The following TRDMT1 variants were observed in gnomAD, a reference collection of about 807,000 sequenced individuals.
TRDMT1 encodes tRNA aspartic acid methyltransferase 1.
In TRDMT1, 49 loss-of-function variants were observed where a neutral mutation model predicts 51.2. The observed-to-expected ratio is 0.96, with a 90% CI of 0.76 to 1.21. The LOEUF is 1.21. Among genes scored for constraint, TRDMT1 ranks in the 50% most tolerant of loss-of-function variants. The pLI is 0.00. For synonymous variants in TRDMT1, 187 were observed against 164.6 expected (o/e 1.14, Z -1.04); for missense variants, 534 against 462.3 (o/e 1.16, Z -1.42).
At chr10:17,151,622 A>G (rs1838750802) in intron 10 of TRDMT1, 5 of 984,846 alleles carry the variant, frequency 5.1e-6, no homozygotes, top group Non-Finnish European at 4.8e-6. Flanking sequence ...AGTAATTTCA[A>G]AGGCTGTTTT....
chr10:17,198,860 A>G (rs1206891047), intron 1 of TRDMT1, among the ~76,000 whole-genome samples: 1 of 147,172 alleles, frequency 6.8e-6, no homozygotes, highest in African/African-American at 2.4e-5. Flanking sequence ...AAATCAGTCA[A>G]AAATGAAGTT....
At chr10:17,193,987 A>G (rs1009802115) in intron 1 of TRDMT1, among the ~76,000 whole-genome samples, 1 of 152,242 alleles carries the variant, frequency 6.6e-6, no homozygotes, top group African/African-American at 2.4e-5. Context: ...AACAGAATAG[A>G]TAACCCAGAA....
In TRDMT1 at chr10:17,161,549, C is replaced by A; in HGVS notation, c.324-1G>T. On this transcript the variant is annotated splice_acceptor_variant, in intron 4 of 10. Coordinates refer to ENST00000377799, the MANE Select transcript of TRDMT1 (RefSeq NM_004412.7). LOFTEE classifies it high-confidence loss of function. ...AATATACTTTGGTAATTTTTGTAAT[C>A]TATAAAAAAATAAACAAATGGAATT... 1 of 1,251,356 alleles carries A rather than the reference C, an allele frequency of 8.0e-7. No homozygotes were observed. Among genetic ancestry groups the A allele is most frequent in the Non-Finnish European group, 1.1e-6 (1 of 922,624 alleles). The allele number at this position is 1,251,356 out of a possible 1,614,324, so 77.5% of individuals were successfully genotyped here. A position where few individuals can be genotyped will look rare whatever the true frequency, so the allele number is the denominator to read the frequency against.
At chr10:17,164,393 C>A (rs942467132) in intron 3 of TRDMT1, among the ~76,000 whole-genome samples, 1 of 152,162 alleles carries the variant, frequency 6.6e-6, no homozygotes, top group Non-Finnish European at 1.5e-5. Context: ...CTATCTATGA[C>A]AAACCCACAG....
Position 17,153,490 on chromosome 10 carries a change from G to A in TRDMT1, c.1075+17C>T, listed in dbSNP as rs752582919. On this transcript the variant is annotated intron_variant, in intron 10 of 10. Coordinates refer to ENST00000377799, the MANE Select transcript of TRDMT1 (RefSeq NM_004412.7). ...TTTTAATACATGAAAGCTGAATTCT[G>A]CACGTATCCCACATACCGAACTCTG... 8 of 1,613,154 alleles carry A rather than the reference G, an allele frequency of 5.0e-6. No homozygotes were observed. In the Admixed American group the frequency reaches 6.7e-5, roughly 13 times the overall value.
intron 1 of TRDMT1, among the ~76,000 whole-genome samples, chr10:17,180,982 A>G (rs1843214044): frequency 6.6e-6 from 1 of 152,212 alleles, no homozygotes; most frequent in Admixed American, 6.5e-5. Context: ...TAATGACTCA[A>G]AAATATGATT....
At chr10:17,174,698 CT>C in intron 1 of TRDMT1, 38 bp from the exon 2 acceptor site, 1 of 1,446,002 alleles carries the variant, frequency 6.9e-7, no homozygotes, top group Non-Finnish European at 9.7e-7. Flanking sequence ...AAGAAAAGTC[CT>C]TAAGTTCATT....
At chr10:17,151,017 G>C in intron 10 of TRDMT1, 5 of 978,400 alleles carry the variant, frequency 5.1e-6, no homozygotes, top group South Asian at 4.7e-5. Context: ...ATGTGTGTGT[G>C]TGTGCGTGCA....
chr10:17,186,474 G>C (rs886694213), intron 1 of TRDMT1, among the ~76,000 whole-genome samples: 2 of 152,090 alleles, frequency 1.3e-5, no homozygotes, highest in Non-Finnish European at 2.9e-5. Context: ...TTCAAAGATA[G>C]AAAAAGGGAT....
At position 17,146,877 on chromosome 10, in the gene TRDMT1, A is replaced by G; in HGVS notation, c.*2163T>C. The stretch of plus-strand genomic sequence containing the variant: ...TGCTAATTGAATGACACTGGTAGAT[A>G]CATCTTCATTAAGATGTGAGTTTTA... On this transcript the variant is annotated 3_prime_UTR_variant, in exon 11 of 11. Coordinates refer to ENST00000377799, the MANE Select transcript of TRDMT1 (RefSeq NM_004412.7). The G allele has an allele frequency of 1.0e-6, 1 of 984,548 alleles. No individual in the cohort carries two copies. Among genetic ancestry groups the G allele is most frequent in the Non-Finnish European group, 1.2e-6 (1 of 829,606 alleles). The allele number at this position is 984,548 out of a possible 1,614,324, so 61.0% of individuals were successfully genotyped here. A position where few individuals can be genotyped will look rare whatever the true frequency, so the allele number is the denominator to read the frequency against.
intron 1 of TRDMT1, among the ~76,000 whole-genome samples, chr10:17,199,554 G>T (rs1293556544): frequency 6.6e-6 from 1 of 152,202 alleles, no homozygotes; most frequent in African/African-American, 2.4e-5. Flanking sequence ...TTCAGCTTTG[G>T]GTGTTGACGG....
chr10:17,141,876 G>A lies in TRDMT1; in HGVS notation c.*7164C>T, dbSNP rs11254395. On this transcript the variant is annotated 3_prime_UTR_variant, in exon 11 of 11. Coordinates refer to ENST00000377799, the MANE Select transcript of TRDMT1 (RefSeq NM_004412.7). ...TTAAATTTCTGAAAATAAAGTTAAT[G>A]TAACAGACAAAATGTCCAGGATCTA... Among the ~76,000 whole-genome samples, 1,310 of 152,334 alleles carry A rather than the reference G, an allele frequency of 8.6e-3. 24 individuals carry two copies. The highest frequency in any genetic ancestry group is 0.029 in the African/African-American group (1,224 of 41,576).
intron 1 of TRDMT1, among the ~76,000 whole-genome samples, chr10:17,185,912 C>G (rs543663957): frequency 1.2e-3 from 187 of 151,804 alleles, no homozygotes; most frequent in African/African-American, 4.1e-3. Context: ...TTGTGGGGTG[C>G]GGGGAGGAAG....
Position 17,148,304 on chromosome 10 carries a change from A to G in TRDMT1, c.*736T>C, listed in dbSNP as rs1838294820. 2 of 985,460 alleles carry G rather than the reference A, an allele frequency of 2.0e-6. No individual in the cohort carries two copies. The highest frequency in any genetic ancestry group is 3.5e-5 in the African/African-American group (2 of 57,370). 61.0% of individuals were successfully genotyped at this position (985,460 alleles called of 1,614,324 possible). A position where few individuals can be genotyped will look rare whatever the true frequency, so the allele number is the denominator to read the frequency against. ...CTACATTCCTCAGCGTGCAAAGGCA[A>G]ATTCAACTCAGAAGCTGAGAAGACA... On this transcript the variant is annotated 3_prime_UTR_variant, in exon 11 of 11. Coordinates refer to ENST00000377799, the MANE Select transcript of TRDMT1 (RefSeq NM_004412.7).
In TRDMT1 at chr10:17,164,992, T is replaced by C. The variant is rs564075059; in HGVS notation, c.252-2755A>G. Among the ~76,000 whole-genome samples the C allele has an allele frequency of 4.3e-3, 647 of 152,174 alleles. 3 individuals carry two copies. Among genetic ancestry groups the C allele is most frequent in the African/African-American group, 0.015 (603 of 41,522 alleles). ...GCCATCCCCATCAAGCTACCAATGATTTTCTTCACAGAATTGGAAAAAACC... is the reference window on the plus strand; with the variant it reads ...GCCATCCCCATCAAGCTACCAATGACTTTCTTCACAGAATTGGAAAAAACC... On this transcript the variant is annotated intron_variant, in intron 3 of 10. Coordinates refer to ENST00000377799, the MANE Select transcript of TRDMT1 (RefSeq NM_004412.7).
At chr10:17,163,325 G>A (rs888181901) in intron 3 of TRDMT1, among the ~76,000 whole-genome samples, 1 of 152,062 alleles carries the variant, frequency 6.6e-6, no homozygotes, top group Non-Finnish European at 1.5e-5. Context: ...ATGAAGACTT[G>A]AATTGAGCCT....
chr10:17,183,194 A>G (rs997466751), intron 1 of TRDMT1, among the ~76,000 whole-genome samples: 2 of 152,226 alleles, frequency 1.3e-5, no homozygotes, highest in Non-Finnish European at 2.9e-5. Context: ...AGCAATATCC[A>G]TATTATTTAC....
Position 17,138,263 on chromosome 10 carries a change from G to A in TRDMT1, c.*10777C>T, listed in dbSNP as rs915279397. 1.1e-4 allele frequency among the ~76,000 whole-genome samples: 17 copies of A among 152,088 alleles called. No homozygotes were observed. The highest frequency in any genetic ancestry group is 1.3e-4 in the Admixed American group (2 of 15,268). On this transcript the variant is annotated 3_prime_UTR_variant, in exon 11 of 11. Transcript: ENST00000377799. ...ATTAATCTGGTTTTTAGTCATTAAT[G>A]GAAACATTTGTGAATATAACGATCT...
intron 1 of TRDMT1, 139 bp downstream of exon 1, chr10:17,201,431 AG>A: frequency 1.3e-6 from 1 of 773,984 alleles, no homozygotes; most frequent in Non-Finnish European, 1.9e-6. Context: ...AGCTGTTTCC[AG>A]GACAACCGAG....
Sources: gnomAD v4.1 joint callset for allele counts (sites outside exome capture counted in the v4.1 genomes callset) on GRCh38, gnomAD v4.1.1 for gene constraint, MANE v1.5 for transcripts, NCBI Gene and HGNC (gene_info 2026-07-23, HGNC 2026-07-21) for gene names.